PLD1: variants seen among roughly 807,000 people sequenced by gnomAD.
PLD1 encodes choline phosphatase 1.
A neutral mutation model predicts 137.1 loss-of-function variants in PLD1; 112 were observed. The observed-to-expected ratio is 0.82, with a 90% CI of 0.70 to 0.96. The LOEUF (loss-of-function observed/expected upper bound fraction) is 0.96, where lower values mean the gene tolerates loss of function less well. Among genes scored for constraint, PLD1 ranks in the 40% least tolerant of loss-of-function variants. The pLI, the probability that PLD1 is intolerant of heterozygous loss-of-function variation, is 0.00. For synonymous variants in PLD1, 431 were observed against 454.7 expected (o/e 0.95, Z 0.66); for missense variants, 1,321 against 1,342.0 (o/e 0.98, Z 0.24).
chr3:171,658,017 C>T (rs1445515966), intron 21 of PLD1, among the ~76,000 whole-genome samples: 1 of 151,988 alleles, frequency 6.6e-6, no homozygotes, highest in Non-Finnish European at 1.5e-5. Flanking sequence ...AGACATTTCT[C>T]CATAGATAAT....
intron 1 of PLD1, among the ~76,000 whole-genome samples, chr3:171,740,107 C>T (rs1312430656): frequency 6.6e-6 from 1 of 152,122 alleles, no homozygotes; most frequent in Non-Finnish European, 1.5e-5. Context: ...AACACGAAAA[C>T]CCTAACTGTA....
intron 20 of PLD1, 46 bp from the exon 21 acceptor site, chr3:171,659,347 GCAA>G: frequency 8.4e-7 from 1 of 1,184,168 alleles, no homozygotes; most frequent in Non-Finnish European, 1.3e-6. Context: ...TATTTTCTTA[GCAA>G]TATACGTAAG....
Position 171,688,635 on chromosome 3 carries a change from T to C in PLD1, c.1539+41A>G, listed in dbSNP as rs142895100. 58 of 1,404,704 alleles carry C rather than the reference T, an allele frequency of 4.1e-5. No individual in the cohort carries two copies. The African/African-American group carries it at 7.5e-4, about 18-fold the overall frequency. 87.0% of individuals were successfully genotyped at this position (1,404,704 alleles called of 1,614,324 possible). On this transcript the variant is annotated intron_variant, in intron 14 of 26. Transcript: ENST00000351298. ...TACTAATACAAACTTATACAAATTA[T>C]GTTCGTGTTATACATTTCCATAAAG...
intron 21 of PLD1, among the ~76,000 whole-genome samples, chr3:171,657,099 G>C (rs1023166822): frequency 8.5e-5 from 13 of 152,196 alleles, no homozygotes; most frequent in Admixed American, 7.2e-4. Flanking sequence ...ATTGTGGTTA[G>C]TGGCCTAGAC....
intron 6 of PLD1, among the ~76,000 whole-genome samples, chr3:171,726,963 T>G (rs1718564221): frequency 6.6e-6 from 1 of 152,220 alleles, no homozygotes; most frequent in South Asian, 2.1e-4. Flanking sequence ...TTGCATCTAC[T>G]TCGCTCTGCT....
At chr3:171,635,027 G>A (rs1401774458) in intron 23 of PLD1, among the ~76,000 whole-genome samples, 5 of 152,080 alleles carry the variant, frequency 3.3e-5, no homozygotes, top group African/African-American at 1.2e-4. Flanking sequence ...CAGACAATAT[G>A]TGGCCTTTTG....
At chr3:171,730,961 T>C (rs1227722343) in intron 6 of PLD1, among the ~76,000 whole-genome samples, 1 of 152,174 alleles carries the variant, frequency 6.6e-6, no homozygotes, top group Non-Finnish European at 1.5e-5. Context: ...TTTAAAGTGG[T>C]CTAACTTTAC....
chr3:171,665,147 T>C (rs534970661), intron 19 of PLD1, among the ~76,000 whole-genome samples: 2 of 152,158 alleles, frequency 1.3e-5, no homozygotes, highest in Non-Finnish European at 2.9e-5. Flanking sequence ...AAGATACACA[T>C]GAGGAGAATT....
At position 171,687,452 on chromosome 3, in the gene PLD1, A is replaced by T; in HGVS notation, c.1672T>A (p.Ser558Thr). 6.2e-7 allele frequency: 1 copy of T among 1,614,050 alleles called. No individual in the cohort carries two copies. Among genetic ancestry groups the T allele is most frequent in the South Asian group, 1.1e-5 (1 of 91,074 alleles). ...AGCTGCTTGTAGAGACTAAATTTGG[A>T]GAACTTTCTTGGCTTTCCTATTCCT... ...LKGIGKPRKF[S>T]KFSLYKQLHR... The change falls in exon 15 of 27, where the codon TCC becomes ACC. Residue 558 changes from serine to threonine, a missense_variant. Coordinates refer to ENST00000351298, the MANE Select transcript of PLD1 (RefSeq NM_002662.5).
intron 25 of PLD1, 146 bp from the exon 26 acceptor site, chr3:171,605,562 A>G (rs1732142440): frequency 1.6e-6 from 1 of 618,612 alleles, no homozygotes; most frequent in Admixed American, 2.8e-5. Flanking sequence ...TCATATCCTC[A>G]GAGTGCCTGA....
At chr3:171,637,173 T>C (rs1469756121) in intron 23 of PLD1, among the ~76,000 whole-genome samples, 1 of 152,210 alleles carries the variant, frequency 6.6e-6, no homozygotes, top group Non-Finnish European at 1.5e-5. Flanking sequence ...TTCAGTTTAG[T>C]AGTATTTCAC....
In PLD1 at chr3:171,606,491, T is replaced by C. The variant is rs554832287; in HGVS notation, c.2883-1075A>G. 2.0e-5 allele frequency among the ~76,000 whole-genome samples: 3 copies of C among 152,204 alleles called. No individual in the cohort carries two copies. In the East Asian group the frequency reaches 5.8e-4, roughly 29 times the overall value. On this transcript the variant is annotated intron_variant, in intron 25 of 26. Coordinates refer to ENST00000351298, the MANE Select transcript of PLD1 (RefSeq NM_002662.5). Reference sequence around the variant, plus strand: ...TCTGAGTTCACCAAATAAGTGAGTATAGACAGAGAAGAGGACCGGGTGTAT... The same window carrying C: ...TCTGAGTTCACCAAATAAGTGAGTACAGACAGAGAAGAGGACCGGGTGTAT...
At chr3:171,793,272 G>C (rs1723294374) in intron 1 of PLD1, 1 of 152,002 alleles carries the variant, frequency 6.6e-6, no homozygotes. Flanking sequence ...TCAAGATTGG[G>C]AAATTTTCAG....
chr3:171,679,758 T>G (rs945341871), intron 16 of PLD1, among the ~76,000 whole-genome samples: 3 of 152,208 alleles, frequency 2.0e-5, no homozygotes, highest in African/African-American at 7.2e-5. Context: ...AGCCATGGCC[T>G]AAAAACTATT....
At chr3:171,629,695 C>A (rs1734489183) in intron 23 of PLD1, among the ~76,000 whole-genome samples, 2 of 152,012 alleles carry the variant, frequency 1.3e-5, no homozygotes, top group Admixed American at 1.3e-4. Flanking sequence ...ACAGAGCCCT[C>A]AGAAATAACG....
At chr3:171,798,992 C>A (rs6768443) in intron 1 of PLD1, among the ~76,000 whole-genome samples, 4 of 152,076 alleles carry the variant, frequency 2.6e-5, no homozygotes, top group Admixed American at 2.6e-4. Flanking sequence ...CTGGTCCCTT[C>A]GACCAGATTA....
intron 1 of PLD1, among the ~76,000 whole-genome samples, chr3:171,781,724 G>T (rs1315844713): frequency 6.6e-6 from 1 of 152,122 alleles, no homozygotes; most frequent in East Asian, 1.9e-4. Flanking sequence ...ACATTAAAAA[G>T]ACCGTCAAAC....
chr3:171,691,011 T>C (rs957596766), intron 13 of PLD1, among the ~76,000 whole-genome samples: 3 of 152,248 alleles, frequency 2.0e-5, no homozygotes, highest in African/African-American at 7.2e-5. Context: ...CATAAATATG[T>C]ATAATTTTTA....
intron 6 of PLD1, among the ~76,000 whole-genome samples, chr3:171,730,645 A>ATTTTTTTTTT (rs1718865589): frequency 6.2e-5 from 6 of 97,006 alleles, no homozygotes; most frequent in Non-Finnish European, 6.3e-5. Flanking sequence ...ATCTATCTCC[A>ATTTTTTTTTT]CTTTTTTTTT....
Sources: allele counts gnomAD v4.1 joint callset (sites outside exome capture counted in the v4.1 genomes callset), GRCh38; gene constraint gnomAD v4.1.1; transcripts MANE v1.5; gene names NCBI Gene and HGNC (gene_info 2026-07-23, HGNC 2026-07-21).